AGR3: variants seen among roughly 807,000 people sequenced by gnomAD.
The protein encoded by AGR3 is anterior gradient protein 3.
Under a neutral mutation model 24.5 loss-of-function variants are expected in AGR3, and 37 were observed. The observed-to-expected ratio is 1.51, with a 90% confidence interval of 1.16 to 1.99. The LOEUF (loss-of-function observed/expected upper bound fraction) is 1.99, where lower values mean the gene tolerates loss of function less well. AGR3 is among the 30% of genes most tolerant of loss of function. AGR3 has a pLI of 0.00. For synonymous variants in AGR3, 75 were observed against 61.6 expected, an observed-to-expected ratio of 1.22 and a Z score of -1.02; for missense variants, 228 against 191.1, an observed-to-expected ratio of 1.19 and a Z score of -1.14.
In AGR3 at chr7:16,874,799, G is replaced by T. The variant is rs547443767; in HGVS notation, c.110-956C>A. ...AGCTTTATTGAAATAAAATTCATAC[G>T]CCAATACAACTCACCTATTGAAAAC... On this transcript the variant is annotated intron_variant, in intron 2 of 7. Transcript: ENST00000310398. Among the ~76,000 whole-genome samples, 5 of 152,008 alleles carry T rather than the reference G, an allele frequency of 3.3e-5. 1 individual carries two copies. In the South Asian group the frequency reaches 1.0e-3, roughly 32 times the overall value.
intron 3 of AGR3, among the ~76,000 whole-genome samples, chr7:16,867,145 C>G (rs1171973753): frequency 6.6e-6 from 1 of 152,126 alleles, no homozygotes; most frequent in Non-Finnish European, 1.5e-5. Context: ...GTGGTATCTT[C>G]TAGCACCTTA....
intron 5 of AGR3, 79 bp from the exon 6 acceptor site, chr7:16,861,526 C>T (rs1408809072): frequency 1.6e-6 from 2 of 1,213,600 alleles, no homozygotes; most frequent in Non-Finnish European, 2.4e-6. Flanking sequence ...GTGTGACTGT[C>T]AGTAAATTCT....
intron 2 of AGR3, among the ~76,000 whole-genome samples, chr7:16,875,887 A>G (rs1057501911): frequency 6.6e-6 from 1 of 152,204 alleles, no homozygotes. Flanking sequence ...CAATATCTAT[A>G]CATCACATTT....
intron 3 of AGR3, chr7:16,865,237 T>C (rs1781732698): frequency 1.2e-6 from 1 of 805,092 alleles, no homozygotes; most frequent in African/African-American, 1.7e-5. Flanking sequence ...TTTAAAGACA[T>C]TCTTTTTTTC....
downstream of AGR3, among the ~76,000 whole-genome samples, chr7:16,855,958 C>G (rs1330211974): frequency 6.7e-6 from 1 of 150,058 alleles, no homozygotes; most frequent in Non-Finnish European, 1.5e-5. Flanking sequence ...ACCTGATTTT[C>G]TATTTTATCA....
In AGR3 at chr7:16,864,689, G is replaced by A. The variant is rs1781717756; in HGVS notation, c.174-2027C>T. ...TCAGGAAAAAGTGCTTTTGCTGCCA[G>A]GCAATTTTCCCCATACTTTTTATGT... is the stretch of plus-strand genomic sequence containing the variant. On this transcript the variant is annotated intron_variant, in intron 3 of 7. Transcript: ENST00000310398. 7.6e-6 allele frequency: 12 copies of A among 1,579,114 alleles called. No individual in the cohort carries two copies. The South Asian group carries it at 1.3e-4, about 17-fold the overall frequency.
chr7:16,870,178 C>T (rs1156616442), intron 3 of AGR3, among the ~76,000 whole-genome samples: 1 of 151,698 alleles, frequency 6.6e-6, no homozygotes, highest in East Asian at 1.9e-4. Flanking sequence ...TCTTTTTTGT[C>T]ATTGTAAATG....
At chr7:16,873,257 C>T (rs1295708279) in intron 3 of AGR3, among the ~76,000 whole-genome samples, 1 of 152,040 alleles carries the variant, frequency 6.6e-6, no homozygotes, top group Non-Finnish European at 1.5e-5. Context: ...GACTACTACC[C>T]AGACATAAAA....
At position 16,878,540 on chromosome 7, in the gene AGR3, CCT is replaced by C; in HGVS notation, c.77_78del (p.Lys26ArgfsTer15). 1 of 1,614,102 alleles carries C rather than the reference CCT, an allele frequency of 6.2e-7. No homozygotes were observed. Among genetic ancestry groups the C allele is most frequent in the Non-Finnish European group, 8.5e-7 (1 of 1,179,988 alleles). On this transcript the variant is annotated frameshift_variant, in exon 2 of 8. Coordinates refer to ENST00000310398, the MANE Select transcript of AGR3 (RefSeq NM_176813.5). LOFTEE classifies it high-confidence loss of function. The stretch of plus-strand genomic sequence containing the variant: ...GAGAGTGTCTGAGGAGGCCTCTTTT[CCT>C]TTTTTATTGCAATGGCAAGGTTGGA... ...VSSNLAIAIK[K>X]EKRPPQTLSR...
Position 16,860,607 on chromosome 7 carries a change from C to A in AGR3, c.368-24G>T, listed in dbSNP as rs146735563. ...GTCTGTCAAGGAAAAAACCAAGTCA[C>A]GAAAGTATAATTTAGCATGTTCTTT... On this transcript the variant is annotated intron_variant, in intron 6 of 7. Coordinates refer to ENST00000310398, the MANE Select transcript of AGR3 (RefSeq NM_176813.5). The A allele has an allele frequency of 2.6e-6, 4 of 1,532,612 alleles. No individual in the cohort carries two copies. The Admixed American group carries it at 5.2e-5, about 20-fold the overall frequency. 94.9% of individuals were successfully genotyped at this position (1,532,612 alleles called of 1,614,324 possible). A position where few individuals can be genotyped will look rare whatever the true frequency, so the allele number is the denominator to read the frequency against.
At chr7:16,858,146 C>T (rs960134095), downstream of AGR3, among the ~76,000 whole-genome samples, 1 of 151,984 alleles carries the variant, frequency 6.6e-6, no homozygotes, top group African/African-American at 2.4e-5. Flanking sequence ...CACCACCATG[C>T]CTGGCTAATT....
At chr7:16,860,457 G>C (rs2115402328) in intron 7 of AGR3, 43 bp downstream of exon 7, 1 of 1,407,928 alleles carries the variant, frequency 7.1e-7, no homozygotes, top group South Asian at 1.2e-5. Context: ...AATAGTCAGG[G>C]GTCAGCTATG....
intron 6 of AGR3, among the ~76,000 whole-genome samples, chr7:16,861,022 T>G (rs12699814): frequency 2.5e-5 from 1 of 39,988 alleles, no homozygotes; most frequent in African/African-American, 6.2e-5. Context: ...CAATTTATAA[T>G]CTAAAACAAA....
Position 16,859,563 on chromosome 7 carries a change from G to T in AGR3, c.*19C>A. The T allele has an allele frequency of 6.5e-7, 1 of 1,531,454 alleles. No individual in the cohort carries two copies. The highest frequency in any genetic ancestry group is 8.9e-7 in the Non-Finnish European group (1 of 1,125,812). 94.9% of individuals were successfully genotyped at this position (1,531,454 alleles called of 1,614,324 possible). A position where few individuals can be genotyped will look rare whatever the true frequency, so the allele number is the denominator to read the frequency against. Reference sequence around the variant, plus strand: ...TGAAATTTGACTTCTTTGAAGTGAAGGCTTTTTTCCATCATCTCTTATAGC... The same window carrying T: ...TGAAATTTGACTTCTTTGAAGTGAATGCTTTTTTCCATCATCTCTTATAGC... On this transcript the variant is annotated 3_prime_UTR_variant, in exon 8 of 8. Transcript: ENST00000310398.
At chr7:16,866,465 G>C (rs1019011538) in intron 3 of AGR3, among the ~76,000 whole-genome samples, 29 of 152,106 alleles carry the variant, frequency 1.9e-4, no homozygotes, top group Admixed American at 5.2e-4. Flanking sequence ...GCACATAGGT[G>C]GGTATGTTTG....
At chr7:16,870,249 A>G (rs983242943) in intron 3 of AGR3, among the ~76,000 whole-genome samples, 3 of 152,062 alleles carry the variant, frequency 2.0e-5, no homozygotes, top group Non-Finnish European at 4.4e-5. Flanking sequence ...CAATTTTTAA[A>G]TATCAATTTA....
At chr7:16,866,295 A>G (rs111843172) in intron 3 of AGR3, 16 of 547,720 alleles carry the variant, frequency 2.9e-5, no homozygotes, top group African/African-American at 2.2e-4. Flanking sequence ...TGGTCTAAGA[A>G]AAGTTTTTGA....
chr7:16,856,290 T>G (rs1212144087), downstream of AGR3, among the ~76,000 whole-genome samples: 1 of 152,152 alleles, frequency 6.6e-6, no homozygotes, highest in African/African-American at 2.4e-5. Context: ...ATCTCAGAAA[T>G]TGAGAGCTTG....
intron 3 of AGR3, among the ~76,000 whole-genome samples, chr7:16,870,285 T>C (rs1224652238): frequency 6.6e-6 from 1 of 152,088 alleles, no homozygotes; most frequent in Non-Finnish European, 1.5e-5. Flanking sequence ...ACAGAATTTT[T>C]GTTATTCTGA....
Sources: allele counts gnomAD v4.1 joint callset (sites outside exome capture counted in the v4.1 genomes callset), GRCh38; gene constraint gnomAD v4.1.1; transcripts MANE v1.5; gene names NCBI Gene and HGNC (gene_info 2026-07-23, HGNC 2026-07-21).